GPC6: variants seen among roughly 807,000 people sequenced by gnomAD.
GPC6 encodes the protein glypican 6.
A neutral mutation model predicts 55.2 loss-of-function variants in GPC6; 14 were observed. The observed-to-expected ratio is 0.25, with a 90% CI of 0.17 to 0.40. The LOEUF (loss-of-function observed/expected upper bound fraction) is 0.40. Ranked by LOEUF, GPC6 falls within the 10% of genes least tolerant of loss-of-function variation. The pLI, the probability that GPC6 is intolerant of heterozygous loss-of-function variation, is 1.00. For synonymous variants in GPC6, 278 were observed against 259.6 expected (o/e 1.07, Z -0.68); for missense variants, 641 against 708.5 (o/e 0.90, Z 1.08).
chr13:94,032,029 A>G (rs937504056), intron 4 of GPC6, among the ~76,000 whole-genome samples: 1 of 152,194 alleles, frequency 6.6e-6, no homozygotes, highest in Admixed American at 6.5e-5. Context: ...GAGGAGAGGC[A>G]AAGGTTGATG....
In GPC6 at chr13:93,243,227, C is replaced by G. The variant is rs917596829; in HGVS notation, c.160+15611C>G. On this transcript the variant is annotated intron_variant, in intron 1 of 8. Coordinates refer to ENST00000377047, the MANE Select transcript of GPC6 (RefSeq NM_005708.5). ...AATACTAAGTCTCTCTTGATTTGAT[C>G]TCTGCAAGCTTCTTGATTCCTTAAT... Among the ~76,000 whole-genome samples the G allele has an allele frequency of 3.3e-5, 5 of 152,222 alleles. No homozygotes were observed. In the South Asian group the frequency reaches 1.0e-3, roughly 32 times the overall value.
intron 2 of GPC6, among the ~76,000 whole-genome samples, chr13:93,616,127 G>A (rs917585877): frequency 6.6e-6 from 1 of 151,208 alleles, no homozygotes; most frequent in Non-Finnish European, 1.5e-5. Flanking sequence ...CACTGTTTGG[G>A]GAAATAGGTA....
chr13:93,801,373 T>C (rs749076820), intron 2 of GPC6, among the ~76,000 whole-genome samples: 9 of 152,212 alleles, frequency 5.9e-5, no homozygotes, highest in Non-Finnish European at 1.2e-4. Context: ...AGAATGGTCA[T>C]ATCTGCTTTC....
rs145967161 is a variant in GPC6, at chr13:93,958,073, C to T, written c.712-69656C>T. On this transcript the variant is annotated intron_variant, in intron 3 of 8. Coordinates refer to ENST00000377047, the MANE Select transcript of GPC6 (RefSeq NM_005708.5). ...TTTTAATAGGGTTATTTGATTTTTT[C>T]GTGTTAATTTGTTTAAGTTCCTTAT... Among the ~76,000 whole-genome samples, 467 of 152,086 alleles carry T rather than the reference C, an allele frequency of 3.1e-3. 3 individuals carry two copies. Among genetic ancestry groups the T allele is most frequent in the African/African-American group, 0.011 (451 of 41,500 alleles).
intron 4 of GPC6, among the ~76,000 whole-genome samples, chr13:94,276,771 A>T (rs759134444): frequency 1.1e-4 from 16 of 152,116 alleles, no homozygotes; most frequent in Admixed American, 2.6e-4. Flanking sequence ...ACATGATCTC[A>T]TTCCTTTTTA....
intron 4 of GPC6, among the ~76,000 whole-genome samples, chr13:94,257,521 T>C (rs1218775281): frequency 6.6e-6 from 1 of 152,056 alleles, no homozygotes; most frequent in Non-Finnish European, 1.5e-5. Context: ...TAGAAATAAT[T>C]AGAATGTGAA....
intron 1 of GPC6, among the ~76,000 whole-genome samples, chr13:93,462,251 A>G (rs1226731013): frequency 6.6e-6 from 1 of 152,138 alleles, no homozygotes; most frequent in Non-Finnish European, 1.5e-5. Context: ...ATCTTTCAGA[A>G]CTCATAGAGT....
At chr13:93,530,693 AT>A (rs1881832851) in intron 1 of GPC6, among the ~76,000 whole-genome samples, 2 of 152,196 alleles carry the variant, frequency 1.3e-5, no homozygotes, top group Admixed American at 1.3e-4. Flanking sequence ...TAAATTTACA[AT>A]TAAATTATGT....
intron 4 of GPC6, among the ~76,000 whole-genome samples, chr13:94,156,708 G>T (rs1406822324): frequency 6.6e-6 from 1 of 152,168 alleles, no homozygotes; most frequent in East Asian, 1.9e-4. Flanking sequence ...AAAACAATAA[G>T]TGTGCCTATT....
At chr13:94,378,490 T>C (rs1880003653) in intron 6 of GPC6, among the ~76,000 whole-genome samples, 1 of 152,192 alleles carries the variant, frequency 6.6e-6, no homozygotes, top group Non-Finnish European at 1.5e-5. Context: ...AGTACTGTAA[T>C]GGTAGGTATG....
chr13:93,458,629 G>A (rs1353137934), intron 1 of GPC6, among the ~76,000 whole-genome samples: 1 of 152,050 alleles, frequency 6.6e-6, no homozygotes, highest in Admixed American at 6.6e-5. Flanking sequence ...ATATTTGGTC[G>A]CTGTTAAAGT....
intron 4 of GPC6, among the ~76,000 whole-genome samples, chr13:94,271,722 T>C (rs990416276): frequency 6.6e-6 from 1 of 152,194 alleles, no homozygotes; most frequent in African/African-American, 2.4e-5. Context: ...TCTCATCTTC[T>C]GCTTCTCTCT....
chr13:93,623,455 C>CTTTTCTT (rs1555317483), intron 2 of GPC6, among the ~76,000 whole-genome samples: 6 of 116,170 alleles, frequency 5.2e-5, no homozygotes, highest in Non-Finnish European at 8.9e-5. Flanking sequence ...CTTTTCTTTT[C>CTTTTCTT]TTTTTTTTTT....
At chr13:93,698,783 T>C (rs897434748) in intron 2 of GPC6, among the ~76,000 whole-genome samples, 9 of 151,994 alleles carry the variant, frequency 5.9e-5, no homozygotes, top group African/African-American at 2.2e-4. Flanking sequence ...ATCCTTCTTT[T>C]CCCCTCCCTC....
At chr13:94,341,507 C>T (rs1878035238) in intron 6 of GPC6, among the ~76,000 whole-genome samples, 1 of 151,392 alleles carries the variant, frequency 6.6e-6, no homozygotes, top group Non-Finnish European at 1.5e-5. Flanking sequence ...AATTGCTTAA[C>T]CGGGGAGGTG....
rs192689827 is a variant in GPC6, at chr13:94,204,313, A to G, written c.878-82036A>G. ...ACCTAATCCTCCAGAGAATCAGGGC[A>G]GTGCCTAAGAATTATGTGCATTCCA... On this transcript the variant is annotated intron_variant, in intron 4 of 8. Transcript: ENST00000377047. Among the ~76,000 whole-genome samples, 146 of 152,302 alleles carry G rather than the reference A, an allele frequency of 9.6e-4. 1 individual carries two copies. The highest frequency in any genetic ancestry group is 1.2e-3 in the Non-Finnish European group (80 of 67,990).
intron 3 of GPC6, among the ~76,000 whole-genome samples, chr13:93,912,699 C>T (rs559052766): frequency 4.9e-4 from 74 of 152,178 alleles, no homozygotes; most frequent in East Asian, 1.5e-3. Flanking sequence ...GCCGAGATTG[C>T]GCCACTGCAC....
At chr13:94,315,229 C>T (rs980763484) in intron 6 of GPC6, among the ~76,000 whole-genome samples, 1 of 152,192 alleles carries the variant, frequency 6.6e-6, no homozygotes, top group African/African-American at 2.4e-5. Context: ...TTTGTGTGAT[C>T]TCTGTAGAAG....
rs9561285 is a variant in GPC6, at chr13:93,231,346, C to G, written c.160+3730C>G. ...ATATATATACGTATATATATATATA[C>G]ATATATATATATACGTATATATATA... On this transcript the variant is annotated intron_variant, in intron 1 of 8. Coordinates refer to ENST00000377047, the MANE Select transcript of GPC6 (RefSeq NM_005708.5). Among the ~76,000 whole-genome samples the G allele has an allele frequency of 6.6e-3, 159 of 24,074 alleles. 3 individuals are homozygous for G. Among genetic ancestry groups the G allele is most frequent in the African/African-American group, 0.024 (141 of 5,962 alleles). 15.8% of individuals were successfully genotyped at this position (24,074 alleles called of 152,430 possible).
Sources: gnomAD v4.1 joint callset for allele counts (sites outside exome capture counted in the v4.1 genomes callset) on GRCh38, gnomAD v4.1.1 for gene constraint, MANE v1.5 for transcripts, NCBI Gene and HGNC (gene_info 2026-07-23, HGNC 2026-07-21) for gene names.